Variants in KCNIP4 observed in about 807,000 individuals in gnomAD.
The protein encoded by KCNIP4 is potassium voltage-gated channel interacting protein 4, also known as Kv channel-interacting protein 4.
KCNIP4 carries 12 observed loss-of-function variants against 34.0 expected under a neutral mutation model. That is an observed-to-expected ratio of 0.35 (90% CI 0.23 to 0.57). The LOEUF is 0.57. Among genes scored for constraint, KCNIP4 ranks in the 20% least tolerant of loss-of-function variants. The pLI is 0.83. For synonymous variants in KCNIP4, 124 were observed against 102.2 expected (o/e 1.21, Z -1.29); for missense variants, 238 against 311.7 (o/e 0.76, Z 1.78).
At chr4:21,066,437 T>C (rs986266701) in intron 1 of KCNIP4, among the ~76,000 whole-genome samples, 1 of 152,170 alleles carries the variant, frequency 6.6e-6, no homozygotes, top group Non-Finnish European at 1.5e-5. Flanking sequence ...TAGCTGGTTT[T>C]CACATCATAT....
rs543496486 is a variant in KCNIP4, at chr4:21,585,887, T to C, written c.61+362684A>G. On this transcript the variant is annotated intron_variant, in intron 1 of 8. Coordinates refer to ENST00000382152, the MANE Select transcript of KCNIP4 (RefSeq NM_025221.6). ...CAGTTTTAAAGACTACAATGGATCA[T>C]GATTATAATTAAGTTGAACAACTAC... Among the ~76,000 whole-genome samples the C allele has an allele frequency of 5.3e-5, 8 of 152,228 alleles. No individual in the cohort carries two copies. In the South Asian group the frequency reaches 1.0e-3, roughly 20 times the overall value.
At chr4:21,248,050 A>ATG (rs1160139479) in intron 1 of KCNIP4, among the ~76,000 whole-genome samples, 1 of 64,478 alleles carries the variant, frequency 1.6e-5, no homozygotes, top group African/African-American at 1.2e-4. Flanking sequence ...CAGGTGGAGC[A>ATG]TATATATATA....
intron 3 of KCNIP4, among the ~76,000 whole-genome samples, chr4:20,798,541 A>G (rs912579399): frequency 6.7e-6 from 1 of 149,918 alleles, no homozygotes; most frequent in Non-Finnish European, 1.5e-5. Flanking sequence ...ACACACACAG[A>G]CACACAAAAA....
At chr4:21,644,776 C>T (rs1237731765) in intron 1 of KCNIP4, among the ~76,000 whole-genome samples, 1 of 152,060 alleles carries the variant, frequency 6.6e-6, no homozygotes, top group Non-Finnish European at 1.5e-5. Flanking sequence ...AAATGGGATA[C>T]TGCTTGTAGT....
chr4:21,086,738 C>T (rs1746467386), intron 1 of KCNIP4, among the ~76,000 whole-genome samples: 1 of 152,092 alleles, frequency 6.6e-6, no homozygotes, highest in Non-Finnish European at 1.5e-5. Flanking sequence ...TTTCTCCTAC[C>T]ATTAAGACCC....
chr4:20,752,121 C>T (rs569442536), intron 4 of KCNIP4, among the ~76,000 whole-genome samples: 7 of 146,684 alleles, frequency 4.8e-5, no homozygotes, highest in African/African-American at 1.3e-4. Context: ...TGCAATGGCA[C>T]GATCTCGGGT....
intron 1 of KCNIP4, among the ~76,000 whole-genome samples, chr4:21,048,684 G>A (rs1433641047): frequency 6.6e-6 from 1 of 152,144 alleles, no homozygotes; most frequent in African/African-American, 2.4e-5. Flanking sequence ...AGTGATTAAA[G>A]ATGGCCACAC....
intron 1 of KCNIP4, among the ~76,000 whole-genome samples, chr4:20,905,045 G>A (rs978105891): frequency 1.3e-5 from 2 of 152,154 alleles, no homozygotes; most frequent in African/African-American, 2.4e-5. Context: ...AAGGAAAAAC[G>A]TTCTGCTTGC....
intron 1 of KCNIP4, among the ~76,000 whole-genome samples, chr4:21,268,051 T>C (rs1161053090): frequency 6.6e-6 from 1 of 152,194 alleles, no homozygotes; most frequent in Non-Finnish European, 1.5e-5. Flanking sequence ...TATTCAGAGA[T>C]TCAACTTCTT....
At chr4:21,659,890 G>A (rs1359829023) in intron 1 of KCNIP4, among the ~76,000 whole-genome samples, 1 of 152,134 alleles carries the variant, frequency 6.6e-6, no homozygotes, top group African/African-American at 2.4e-5. Context: ...AATACTTGAG[G>A]AGAGGACTCT....
chr4:21,871,278 C>G (rs1725792441), intron 1 of KCNIP4, among the ~76,000 whole-genome samples: 1 of 137,262 alleles, frequency 7.3e-6, no homozygotes, highest in East Asian at 2.4e-4. Flanking sequence ...CCCCCCACCC[C>G]ACAACAGGCC....
intron 1 of KCNIP4, among the ~76,000 whole-genome samples, chr4:21,784,942 G>A (rs533823835): frequency 2.0e-4 from 31 of 152,274 alleles, no homozygotes; most frequent in African/African-American, 6.7e-4. Context: ...AGTCTTTTAA[G>A]CTAAAATAGC....
intron 1 of KCNIP4, among the ~76,000 whole-genome samples, chr4:21,307,211 T>G (rs1381948672): frequency 6.6e-6 from 1 of 152,110 alleles, no homozygotes; most frequent in Non-Finnish European, 1.5e-5. Flanking sequence ...GTTCCTTTGC[T>G]GTTATGTTTT....
chr4:21,723,969 G>A (rs35842590), intron 1 of KCNIP4, among the ~76,000 whole-genome samples: 2 of 151,956 alleles, frequency 1.3e-5, no homozygotes, highest in South Asian at 4.1e-4. Context: ...AGGCCTTATA[G>A]CAGAGGGGGA....
At chr4:21,331,990 G>A (rs1428215054) in intron 1 of KCNIP4, among the ~76,000 whole-genome samples, 1 of 152,026 alleles carries the variant, frequency 6.6e-6, no homozygotes, top group Non-Finnish European at 1.5e-5. Context: ...ATGATAATAA[G>A]AGCATCTATG....
intron 1 of KCNIP4, among the ~76,000 whole-genome samples, chr4:21,104,312 T>A (rs1748267629): frequency 6.6e-6 from 1 of 152,176 alleles, no homozygotes; most frequent in Non-Finnish European, 1.5e-5. Context: ...GGTATCTCAT[T>A]GTGGTTTTGA....
At chr4:21,212,804 T>C (rs1348520096) in intron 1 of KCNIP4, among the ~76,000 whole-genome samples, 1 of 152,176 alleles carries the variant, frequency 6.6e-6, no homozygotes. Flanking sequence ...TCTCGACTCT[T>C]AATACCATTA....
chr4:21,923,580 CTAAA>C (rs1478860173), intron 1 of KCNIP4, among the ~76,000 whole-genome samples: 4 of 152,048 alleles, frequency 2.6e-5, no homozygotes, highest in South Asian at 2.1e-4. Flanking sequence ...GACACTGTCC[CTAAA>C]TAAATAAATA....
At chr4:20,808,393 A>G (rs906391521) in intron 3 of KCNIP4, among the ~76,000 whole-genome samples, 1 of 152,334 alleles carries the variant, frequency 6.6e-6, no homozygotes, top group African/African-American at 2.4e-5. Flanking sequence ...CATTCATGTC[A>G]GTAGGTGCTG....
Sources: gnomAD v4.1 joint callset for allele counts (sites outside exome capture counted in the v4.1 genomes callset) on GRCh38, gnomAD v4.1.1 for gene constraint, MANE v1.5 for transcripts, NCBI Gene and HGNC (gene_info 2026-07-23, HGNC 2026-07-21) for gene names.